BMAL2: variants seen among roughly 807,000 people sequenced by gnomAD.
The protein encoded by BMAL2 is basic helix-loop-helix ARNT-like protein 2.
chr12:27,380,233 C>A, the BMAL2 span: 1 of 1,613,162 alleles, frequency 6.2e-7, no homozygotes, highest in Non-Finnish European at 8.5e-7. Context: ...AAGGAAGTTC[C>A]TTTTCCCTCT....
the BMAL2 span, among the ~76,000 whole-genome samples, chr12:27,388,682 C>G: frequency 6.6e-6 from 1 of 152,046 alleles, no homozygotes; most frequent in African/African-American, 2.4e-5. Flanking sequence ...AGGCATAGAC[C>G]TGGGGATGCT....
chr12:27,363,289 A>T, the BMAL2 span, among the ~76,000 whole-genome samples: 10 of 152,178 alleles, frequency 6.6e-5, no homozygotes, highest in Admixed American at 6.5e-4. Context: ...TTGCTAATGC[A>T]TTTCTTATAC....
At chr12:27,362,130 GTAT>G in the BMAL2 span, among the ~76,000 whole-genome samples, 1 of 152,148 alleles carries the variant, frequency 6.6e-6, no homozygotes, top group Non-Finnish European at 1.5e-5. Context: ...TGAGGGTCTG[GTAT>G]TATATATTCC....
At chr12:27,358,614 T>A in the BMAL2 span, among the ~76,000 whole-genome samples, 2 of 152,180 alleles carry the variant, frequency 1.3e-5, no homozygotes, top group Non-Finnish European at 2.9e-5. Context: ...TCCAGAAAAA[T>A]GTGTTCAGAT....
the BMAL2 span, among the ~76,000 whole-genome samples, chr12:27,405,439 C>T: frequency 1.3e-5 from 2 of 152,206 alleles, no homozygotes; most frequent in Non-Finnish European, 2.9e-5. Flanking sequence ...TTGCTGTTCA[C>T]CAATATCCGC....
chr12:27,338,811 T>A, the BMAL2 span, among the ~76,000 whole-genome samples: 1 of 152,166 alleles, frequency 6.6e-6, no homozygotes, highest in Admixed American at 6.5e-5. Flanking sequence ...TATGGCATAT[T>A]TCTGATCAGT....
At chr12:27,407,364 G>A in the BMAL2 span, among the ~76,000 whole-genome samples, 6 of 152,184 alleles carry the variant, frequency 3.9e-5, no homozygotes, top group African/African-American at 1.4e-4. Flanking sequence ...CTCAGCAAAT[G>A]TAAAAGAACA....
At chr12:27,401,753 C>T in the BMAL2 span, 1 of 1,057,626 alleles carries the variant, frequency 9.5e-7, no homozygotes, top group African/African-American at 1.6e-5. Flanking sequence ...TCTTGCTAAA[C>T]CATTAAAACT....
chr12:27,334,627 C>A, the BMAL2 span, among the ~76,000 whole-genome samples: 3 of 152,116 alleles, frequency 2.0e-5, no homozygotes, highest in Non-Finnish European at 4.4e-5. Flanking sequence ...ATAAGTCTTA[C>A]GAACTTACAA....
the BMAL2 span, among the ~76,000 whole-genome samples, chr12:27,354,129 G>A: frequency 6.6e-6 from 1 of 152,176 alleles, no homozygotes; most frequent in Admixed American, 6.5e-5. Flanking sequence ...TATGTTCACT[G>A]CAACACTATT....
chr12:27,392,332 A>T, the BMAL2 span, among the ~76,000 whole-genome samples: 1 of 152,160 alleles, frequency 6.6e-6, no homozygotes, highest in Non-Finnish European at 1.5e-5. Flanking sequence ...TACAAACACT[A>T]TTGGAAATAG....
the BMAL2 span, chr12:27,403,463 C>T: frequency 6.2e-7 from 1 of 1,610,050 alleles, no homozygotes; most frequent in Non-Finnish European, 8.5e-7. Flanking sequence ...ATGAGTGTAC[C>T]TGGAATGTCT....
the BMAL2 span, among the ~76,000 whole-genome samples, chr12:27,379,987 G>A: frequency 6.6e-6 from 1 of 152,148 alleles, no homozygotes; most frequent in Non-Finnish European, 1.5e-5. Context: ...AACCACCTGG[G>A]CTCTCAGACA....
At chr12:27,333,532 A>G in the BMAL2 span, among the ~76,000 whole-genome samples, 1 of 152,236 alleles carries the variant, frequency 6.6e-6, no homozygotes, top group African/African-American at 2.4e-5. Flanking sequence ...TCTTTTGTGT[A>G]AACCAGTTGT....
At chr12:27,353,814 A>C in the BMAL2 span, among the ~76,000 whole-genome samples, 1 of 152,242 alleles carries the variant, frequency 6.6e-6, no homozygotes, top group Non-Finnish European at 1.5e-5. Flanking sequence ...CAGACATGAA[A>C]AAATGCTCAA....
chr12:27,391,568 C>T, the BMAL2 span, among the ~76,000 whole-genome samples: 1 of 152,320 alleles, frequency 6.6e-6, no homozygotes, highest in East Asian at 1.9e-4. Flanking sequence ...AATGGGACTC[C>T]TGGGTCCAAT....
the BMAL2 span, among the ~76,000 whole-genome samples, chr12:27,359,931 T>C: frequency 6.6e-6 from 1 of 151,052 alleles, no homozygotes; most frequent in Non-Finnish European, 1.5e-5. Context: ...GGTGTGCCTG[T>C]AGTCCCAGCT....
chr12:27,416,068 A>T, the BMAL2 span: 1 of 682,728 alleles, frequency 1.5e-6, no homozygotes, highest in Non-Finnish European at 2.5e-6. Flanking sequence ...ACCCATTTTG[A>T]TCACTCAGTG....
At chr12:27,371,723 C>G in the BMAL2 span, among the ~76,000 whole-genome samples, 1 of 103,524 alleles carries the variant, frequency 9.7e-6, no homozygotes, top group South Asian at 3.3e-4. Flanking sequence ...CATACACACA[C>G]ACACACACAT....
Sources: gnomAD v4.1 joint callset for allele counts (sites outside exome capture counted in the v4.1 genomes callset) on GRCh38, gnomAD v4.1.1 for gene constraint, MANE v1.5 for transcripts, NCBI Gene and HGNC (gene_info 2026-07-23, HGNC 2026-07-21) for gene names.